The following RTL4 variants were observed in gnomAD, a reference collection of about 807,000 sequenced individuals.
RTL4 encodes retrotransposon Gag-like protein 4.
Under a neutral mutation model 5.3 loss-of-function variants are expected in RTL4, and 4 were observed. That is an observed-to-expected ratio of 0.75 (90% CI 0.37 to 1.72). The LOEUF (loss-of-function observed/expected upper bound fraction) is 1.72, where lower values mean the gene tolerates loss of function less well. Among genes scored for constraint, RTL4 ranks in the 40% most tolerant of loss-of-function variants. The pLI is 0.04. For missense variants in RTL4, 260 were observed against 227.1 expected, an observed-to-expected ratio of 1.14 and a Z score of -0.93; for synonymous variants, 98 against 87.3, an observed-to-expected ratio of 1.12 and a Z score of -0.68.
At chrX:112,356,252 G>A in the RTL4 span, among the ~76,000 whole-genome samples, 1 of 111,534 alleles carries the variant, frequency 9.0e-6, no homozygotes, top group Middle Eastern at 4.6e-3. Flanking sequence ...AGAAATTGAG[G>A]CATAGAAAGC....
chrX:112,153,195 A>C, the RTL4 span, among the ~76,000 whole-genome samples: 1 of 112,218 alleles, frequency 8.9e-6, no homozygotes, highest in Non-Finnish European at 1.9e-5. Context: ...AAAACTGGTT[A>C]TATCTCTAGT....
the RTL4 span, among the ~76,000 whole-genome samples, chrX:112,276,956 A>C: frequency 9.8e-5 from 11 of 112,495 alleles, no homozygotes; most frequent in Non-Finnish European, 2.1e-4. Context: ...TTCATAAAAC[A>C]GACATTTAGT....
the RTL4 span, among the ~76,000 whole-genome samples, chrX:112,431,829 A>G: frequency 9.6e-6 from 1 of 104,036 alleles, no homozygotes; most frequent in Admixed American, 1.0e-4. Flanking sequence ...TGCTGCACCC[A>G]TTAACTCGTC....
chrX:112,096,317 G>A, the RTL4 span, among the ~76,000 whole-genome samples: 1,468 of 112,105 alleles, frequency 0.013, 37 homozygotes, highest in African/African-American at 0.045. Flanking sequence ...TGGGTGCCCA[G>A]CTCTGATTAT....
chrX:112,396,000 T>C, the RTL4 span, among the ~76,000 whole-genome samples: 1 of 111,156 alleles, frequency 9.0e-6, no homozygotes, highest in African/African-American at 3.3e-5. Context: ...GAAATTTGAT[T>C]CTTTTAAACT....
chrX:112,201,158 A>G, the RTL4 span, among the ~76,000 whole-genome samples: 1 of 111,020 alleles, frequency 9.0e-6, no homozygotes, highest in African/African-American at 3.3e-5. Flanking sequence ...GCGAAGGGAG[A>G]AGAGTCCCTT....
chrX:112,324,763 A>G, the RTL4 span, among the ~76,000 whole-genome samples: 1 of 111,331 alleles, frequency 9.0e-6, no homozygotes, highest in Non-Finnish European at 1.9e-5. Context: ...CTTTTTTGTA[A>G]CCTAATATTT....
the RTL4 span, among the ~76,000 whole-genome samples, chrX:112,372,972 C>A: frequency 1.7e-3 from 189 of 111,433 alleles, 3 homozygotes; most frequent in Admixed American, 0.016. Context: ...GGTTGTCCTG[C>A]AACCTTAACT....
the RTL4 span, among the ~76,000 whole-genome samples, chrX:112,332,458 T>C: frequency 6.3e-5 from 7 of 110,565 alleles, no homozygotes; most frequent in Non-Finnish European, 1.3e-4. Flanking sequence ...CAGACTGGAT[T>C]AAGAAAATGT....
chrX:112,219,436 C>T, the RTL4 span, among the ~76,000 whole-genome samples: 1 of 112,149 alleles, frequency 8.9e-6, no homozygotes, highest in Non-Finnish European at 1.9e-5. Flanking sequence ...TTCTTCAAAG[C>T]AACTTTGGCT....
At chrX:112,125,369 A>C in the RTL4 span, among the ~76,000 whole-genome samples, 2 of 111,843 alleles carry the variant, frequency 1.8e-5, no homozygotes, top group Admixed American at 1.9e-4. Flanking sequence ...AAAAGTACCA[A>C]TTAAAACCTT....
the RTL4 span, among the ~76,000 whole-genome samples, chrX:112,240,138 T>C: frequency 1.8e-5 from 2 of 111,881 alleles, no homozygotes; most frequent in African/African-American, 6.5e-5. Flanking sequence ...AGGGATATTA[T>C]AGAACTGAAA....
the RTL4 span, among the ~76,000 whole-genome samples, chrX:112,161,943 G>A: frequency 5.7e-5 from 6 of 105,433 alleles, no homozygotes; most frequent in African/African-American, 1.7e-4. Flanking sequence ...TCCCATTCCA[G>A]ATCAATATCT....
At chrX:112,391,995 C>A in the RTL4 span, among the ~76,000 whole-genome samples, 1 of 111,393 alleles carries the variant, frequency 9.0e-6, no homozygotes, top group Admixed American at 9.5e-5. Flanking sequence ...GCCAGGAGTT[C>A]CCTGTCTGGT....
the RTL4 span, among the ~76,000 whole-genome samples, chrX:112,330,495 G>T: frequency 1.4e-3 from 153 of 110,579 alleles, no homozygotes; most frequent in African/African-American, 4.9e-3. Context: ...CACTGCTCAA[G>T]GAAATAAAAG....
the RTL4 span, among the ~76,000 whole-genome samples, chrX:112,092,724 T>C: frequency 7.1e-4 from 79 of 111,233 alleles, no homozygotes; most frequent in African/African-American, 2.5e-3. Flanking sequence ...GTTCTCATGA[T>C]AGTGAATGGG....
chrX:112,418,005 G>T, the RTL4 span, among the ~76,000 whole-genome samples: 9 of 110,398 alleles, frequency 8.2e-5, no homozygotes, highest in South Asian at 3.2e-3. Flanking sequence ...AAAATTAGCC[G>T]GGCGTGGTGG....
At chrX:112,268,506 C>G in the RTL4 span, among the ~76,000 whole-genome samples, 1 of 111,813 alleles carries the variant, frequency 8.9e-6, no homozygotes, top group Non-Finnish European at 1.9e-5. Flanking sequence ...CCAGATATCT[C>G]TTACCAAACT....
the RTL4 span, among the ~76,000 whole-genome samples, chrX:112,357,835 G>A: frequency 2.7e-5 from 3 of 111,714 alleles, no homozygotes; most frequent in South Asian, 1.1e-3. Context: ...GCTTGCTAAG[G>A]ACCTTTCAAA....
Sources: gnomAD v4.1 joint callset for allele counts (sites outside exome capture counted in the v4.1 genomes callset) on GRCh38, gnomAD v4.1.1 for gene constraint, MANE v1.5 for transcripts, NCBI Gene and HGNC (gene_info 2026-07-23, HGNC 2026-07-21) for gene names.